FANCB: variants seen among roughly 807,000 people sequenced by gnomAD.
FANCB encodes FA complementation group B.
FANCB carries 5 observed loss-of-function variants against 38.9 expected under a neutral mutation model. That is an observed-to-expected ratio of 0.13 (90% CI 0.07 to 0.27). The LOEUF (loss-of-function observed/expected upper bound fraction) is 0.27, where lower values mean the gene tolerates loss of function less well. Ranked by LOEUF, FANCB falls within the 10% of genes least tolerant of loss-of-function variation. The pLI is 1.00. For missense variants in FANCB, 573 were observed against 602.7 expected, an observed-to-expected ratio of 0.95 and a Z score of 0.52; for synonymous variants, 236 against 215.4, an observed-to-expected ratio of 1.10 and a Z score of -0.84.
chrX:14,869,117 G>T (rs892399247), intron 1 of FANCB, 74 bp from the exon 2 acceptor site: 2 of 111,312 alleles, frequency 1.8e-5, no homozygotes, highest in Non-Finnish European at 3.8e-5. Flanking sequence ...TTTACCAAAG[G>T]TCCCATGTCA....
intron 7 of FANCB, among the ~76,000 whole-genome samples, chrX:14,848,481 C>T (rs770710005): frequency 1.8e-5 from 2 of 111,856 alleles, no homozygotes. Context: ...TCTTCTAGGC[C>T]TCTTTAGGGT....
the FANCB span, among the ~76,000 whole-genome samples, chrX:14,801,128 C>T: frequency 8.9e-6 from 1 of 111,816 alleles, no homozygotes; most frequent in Admixed American, 9.5e-5. Flanking sequence ...ATGGTGGTGC[C>T]ATGGCATGGG....
intron 3 of FANCB, among the ~76,000 whole-genome samples, chrX:14,860,272 C>T (rs907651404): frequency 7.1e-5 from 8 of 112,023 alleles, no homozygotes; most frequent in Non-Finnish European, 1.3e-4. Context: ...GGCTCTTCAA[C>T]CCACATACCC....
At chrX:14,779,199 C>G in the FANCB span, among the ~76,000 whole-genome samples, 1 of 112,442 alleles carries the variant, frequency 8.9e-6, no homozygotes, top group Non-Finnish European at 1.9e-5. Context: ...ACTCCTTCAC[C>G]ATTTTCTCCT....
At chrX:14,842,914 C>A (rs1190978047), downstream of FANCB, among the ~76,000 whole-genome samples, 3 of 111,492 alleles carry the variant, frequency 2.7e-5, no homozygotes, top group Non-Finnish European at 5.6e-5. Flanking sequence ...TTCAAATTGA[C>A]AAGGGTTTCA....
At chrX:14,858,505 C>T (rs1006207484) in intron 4 of FANCB, among the ~76,000 whole-genome samples, 4 of 111,562 alleles carry the variant, frequency 3.6e-5, no homozygotes, top group Non-Finnish European at 7.5e-5. Context: ...CATTTATATA[C>T]TGCTTTACAA....
the FANCB span, among the ~76,000 whole-genome samples, chrX:14,779,687 G>A: frequency 1.8e-5 from 2 of 109,923 alleles, no homozygotes; most frequent in Admixed American, 9.6e-5. Flanking sequence ...CAGGTATTTT[G>A]TTGCAGCACA....
At chrX:14,846,737 T>C (rs1601979828) in intron 7 of FANCB, among the ~76,000 whole-genome samples, 2 of 109,784 alleles carry the variant, frequency 1.8e-5, no homozygotes. Context: ...CAGAGAAACA[T>C]GTTAAGCAAT....
At chrX:14,783,280 G>C in the FANCB span, among the ~76,000 whole-genome samples, 8 of 112,130 alleles carry the variant, frequency 7.1e-5, no homozygotes, top group Non-Finnish European at 1.5e-4. Flanking sequence ...TCATAGCCCT[G>C]CTAGGTCTTT....
chrX:14,835,810 G>A (rs2092339728), downstream of FANCB, among the ~76,000 whole-genome samples: 2 of 112,234 alleles, frequency 1.8e-5, no homozygotes, highest in Admixed American at 1.9e-4. Flanking sequence ...TGGAATCCTT[G>A]TACACTGTTG....
At chrX:14,768,615 A>G in the FANCB span, among the ~76,000 whole-genome samples, 1 of 111,944 alleles carries the variant, frequency 8.9e-6, no homozygotes, top group African/African-American at 3.2e-5. Context: ...AATAAAGATA[A>G]TTTGACTTCT....
At chrX:14,821,323 T>C in the FANCB span, among the ~76,000 whole-genome samples, 6 of 111,846 alleles carry the variant, frequency 5.4e-5, no homozygotes, top group African/African-American at 1.6e-4. Context: ...CAGTAGTGGA[T>C]TATGTGTCTT....
the FANCB span, among the ~76,000 whole-genome samples, chrX:14,752,587 T>C: frequency 1.8e-5 from 2 of 112,069 alleles, no homozygotes; most frequent in Non-Finnish European, 3.8e-5. Context: ...TTTAAAGGAC[T>C]TCTGTTTCTC....
At chrX:14,691,832 T>A in the FANCB span, among the ~76,000 whole-genome samples, 5 of 112,180 alleles carry the variant, frequency 4.5e-5, no homozygotes, top group East Asian at 1.4e-3. Context: ...TGTAACAATA[T>A]TGCTTGAGAA....
At chrX:14,721,372 A>G in the FANCB span, among the ~76,000 whole-genome samples, 1 of 111,324 alleles carries the variant, frequency 9.0e-6, no homozygotes, top group Non-Finnish European at 1.9e-5. Context: ...TGGATATGTT[A>G]ATTACCTTGA....
chrX:14,845,346 G>T (rs146561204), intron 7 of FANCB, 60 bp from the exon 8 acceptor site: 2 of 856,896 alleles, frequency 2.3e-6, no homozygotes, highest in African/African-American at 4.0e-5. Flanking sequence ...TCAAATTGAT[G>T]ATTAAATGTC....
chrX:14,804,452 G>A, the FANCB span, among the ~76,000 whole-genome samples: 1 of 111,099 alleles, frequency 9.0e-6, no homozygotes, highest in Non-Finnish European at 1.9e-5. Flanking sequence ...CATGGACACA[G>A]GAAGGGGAAC....
chrX:14,721,079 C>T, the FANCB span, among the ~76,000 whole-genome samples: 2 of 103,251 alleles, frequency 1.9e-5, no homozygotes, highest in African/African-American at 7.2e-5. Flanking sequence ...GTGATCATGG[C>T]ACTGCACTTC....
At chrX:14,716,054 T>C in the FANCB span, among the ~76,000 whole-genome samples, 1 of 111,515 alleles carries the variant, frequency 9.0e-6, no homozygotes, top group African/African-American at 3.3e-5. Flanking sequence ...TGTGACTGTA[T>C]AGTATGCATA....
Sources: gnomAD v4.1 joint callset for allele counts (sites outside exome capture counted in the v4.1 genomes callset) on GRCh38, gnomAD v4.1.1 for gene constraint, MANE v1.5 for transcripts, NCBI Gene and HGNC (gene_info 2026-07-23, HGNC 2026-07-21) for gene names.